BAIAP2L1: variants seen among roughly 807,000 people sequenced by gnomAD.
BAIAP2L1 encodes BAR/IMD domain-containing adapter protein 2-like 1.
A neutral mutation model predicts 66.3 loss-of-function variants in BAIAP2L1; 35 were observed. The observed-to-expected ratio is 0.53, with a 90% confidence interval of 0.40 to 0.70. The LOEUF (loss-of-function observed/expected upper bound fraction) is 0.70, where lower values mean the gene tolerates loss of function less well. Ranked by LOEUF, BAIAP2L1 falls within the 30% of genes least tolerant of loss-of-function variation. The pLI, the probability that BAIAP2L1 is intolerant of heterozygous loss-of-function variation, is 0.00. For missense variants in BAIAP2L1, 622 were observed against 656.9 expected, an observed-to-expected ratio of 0.95 and a Z score of 0.58; for synonymous variants, 269 against 248.7, an observed-to-expected ratio of 1.08 and a Z score of -0.77.
intron 11 of BAIAP2L1, among the ~76,000 whole-genome samples, chr7:98,305,229 C>A (rs1409297735): frequency 6.6e-6 from 1 of 150,772 alleles, no homozygotes; most frequent in Non-Finnish European, 1.5e-5. Context: ...GGAGAGGAAA[C>A]CTTTTAAATT....
intron 1 of BAIAP2L1, chr7:98,385,733 T>A (rs771106467): frequency 7.8e-7 from 1 of 1,278,118 alleles, no homozygotes. Context: ...CATTTCTTTT[T>A]TTTGTTGTTT....
chr7:98,336,658 T>C lies in BAIAP2L1; in HGVS notation c.215-16360A>G, dbSNP rs868080121. ...TAAATGCATAAATATATCATTCTCTTACATGCCCAGTCTTCCAGTTTTTGA... is the reference window on the plus strand; with the variant it reads ...TAAATGCATAAATATATCATTCTCTCACATGCCCAGTCTTCCAGTTTTTGA... On this transcript the variant is annotated intron_variant, in intron 3 of 13. Transcript: ENST00000005260. Among the ~76,000 whole-genome samples the C allele has an allele frequency of 5.3e-5, 8 of 152,184 alleles. 1 individual carries two copies. The highest frequency in any genetic ancestry group is 6.6e-5 in the Admixed American group (1 of 15,266).
At chr7:98,352,081 CTTT>C in intron 3 of BAIAP2L1, among the ~76,000 whole-genome samples, 1 of 148,088 alleles carries the variant, frequency 6.8e-6, no homozygotes, top group Admixed American at 6.7e-5. Context: ...TATCTTTGGT[CTTT>C]TTTTTTTTCT....
At chr7:98,350,596 T>C (rs1234741254) in intron 3 of BAIAP2L1, among the ~76,000 whole-genome samples, 1 of 151,862 alleles carries the variant, frequency 6.6e-6, no homozygotes, top group Non-Finnish European at 1.5e-5. Context: ...GACACAGAGG[T>C]TGCAGTGAGT....
chr7:98,301,012 C>T (rs1322311436), intron 12 of BAIAP2L1, among the ~76,000 whole-genome samples: 1 of 152,180 alleles, frequency 6.6e-6, no homozygotes. Context: ...TCCACCCCTG[C>T]GTGGGTCTCA....
intron 1 of BAIAP2L1, among the ~76,000 whole-genome samples, chr7:98,380,490 G>C (rs779355499): frequency 8.6e-5 from 13 of 151,882 alleles, no homozygotes; most frequent in Non-Finnish European, 1.9e-4. Flanking sequence ...GATCTTGTGA[G>C]ACTTATTCAC....
chr7:98,336,252 T>C (rs1307379259), intron 3 of BAIAP2L1, among the ~76,000 whole-genome samples: 1 of 152,096 alleles, frequency 6.6e-6, no homozygotes, highest in East Asian at 1.9e-4. Context: ...CATCACATGA[T>C]ATACCCAGGT....
intron 12 of BAIAP2L1, among the ~76,000 whole-genome samples, chr7:98,299,505 C>T (rs1054200935): frequency 6.6e-6 from 1 of 151,900 alleles, no homozygotes; most frequent in Admixed American, 6.6e-5. Context: ...TCTTGACCAC[C>T]ACGTTATGGA....
intron 1 of BAIAP2L1, among the ~76,000 whole-genome samples, chr7:98,381,820 AGAAG>A (rs1487931146): frequency 2.6e-5 from 4 of 152,176 alleles, no homozygotes; most frequent in Non-Finnish European, 5.9e-5. Context: ...GAGGTAAGAA[AGAAG>A]GATGTCCTAC....
Position 98,293,060 on chromosome 7 carries a change from T to C in BAIAP2L1, c.*461A>G, listed in dbSNP as rs893745645. The C allele has an allele frequency of 3.8e-6, 3 of 797,206 alleles. No individual in the cohort carries two copies. The highest frequency in any genetic ancestry group is 4.7e-6 in the Non-Finnish European group (3 of 638,172). The allele number at this position is 797,206 out of a possible 1,614,324, so 49.4% of individuals were successfully genotyped here. A position where few individuals can be genotyped will look rare whatever the true frequency, so the allele number is the denominator to read the frequency against. ...TCATAATTTATATTGCTTAAAATTA[T>C]GATTTGCATGCTAAGATGCAAACTT... On this transcript the variant is annotated 3_prime_UTR_variant, in exon 14 of 14. Coordinates refer to ENST00000005260, the MANE Select transcript of BAIAP2L1 (RefSeq NM_018842.5).
At position 98,379,318 on chromosome 7, in the gene BAIAP2L1, C is replaced by T. The variant is rs147454829; in HGVS notation, c.52-16886G>A. Among the ~76,000 whole-genome samples the T allele has an allele frequency of 5.4e-4, 83 of 152,318 alleles. No individual in the cohort carries two copies. In the East Asian group the frequency reaches 0.015, roughly 28 times the overall value. ...ATTTCATAAGAGATGCCTGCACCCA[C>T]GGACGAACCAGCTGCAGGCTGTACC... On this transcript the variant is annotated intron_variant, in intron 1 of 13. Coordinates refer to ENST00000005260, the MANE Select transcript of BAIAP2L1 (RefSeq NM_018842.5).
At position 98,326,022 on chromosome 7, in the gene BAIAP2L1, G is replaced by A. The variant is rs141091759; in HGVS notation, c.215-5724C>T. ...CAAGCAGCGGGGTGCAATGGCTCAC[G>A]TCCGTAATCACAGCTCCCAGTTTTG... is the stretch of plus-strand genomic sequence containing the variant. On this transcript the variant is annotated intron_variant, in intron 3 of 13. Transcript: ENST00000005260. 4.6e-4 allele frequency among the ~76,000 whole-genome samples: 70 copies of A among 152,360 alleles called. 2 individuals carry two copies. The East Asian group carries it at 0.011, about 24-fold the overall frequency.
At chr7:98,385,428 C>A (rs1041947804) in intron 1 of BAIAP2L1, among the ~76,000 whole-genome samples, 1 of 151,964 alleles carries the variant, frequency 6.6e-6, no homozygotes, top group African/African-American at 2.4e-5. Flanking sequence ...GAAATCATTT[C>A]TTTTTCTTTT....
intron 1 of BAIAP2L1, among the ~76,000 whole-genome samples, chr7:98,388,870 A>T (rs13237102): frequency 0.38 from 57,442 of 151,582 alleles, 12,371 homozygotes; most frequent in Middle Eastern, 0.55. Context: ...GCTACTTGGG[A>T]GGCTGAGGCA....
At chr7:98,312,850 G>A (rs972475476) in intron 7 of BAIAP2L1, among the ~76,000 whole-genome samples, 1 of 152,166 alleles carries the variant, frequency 6.6e-6, no homozygotes, top group Non-Finnish European at 1.5e-5. Flanking sequence ...GTGAGAACCC[G>A]CAACCCTGGA....
chr7:98,325,701 A>T (rs548880488), intron 3 of BAIAP2L1, among the ~76,000 whole-genome samples: 106 of 152,338 alleles, frequency 7.0e-4, no homozygotes, highest in Non-Finnish European at 1.4e-3. Flanking sequence ...ATACAAAAAA[A>T]AAATAAAAAT....
Position 98,292,505 on chromosome 7 carries a change from C to T in BAIAP2L1, c.*1016G>A, listed in dbSNP as rs1800009577. 1 of 871,740 alleles carries T rather than the reference C, an allele frequency of 1.1e-6. No homozygotes were observed. The highest frequency in any genetic ancestry group is 1.7e-5 in the African/African-American group (1 of 59,436). 54.0% of individuals were successfully genotyped at this position (871,740 alleles called of 1,614,324 possible). A position where few individuals can be genotyped will look rare whatever the true frequency, so the allele number is the denominator to read the frequency against. ...ATGACTCTCCACTCCAAAATAGGTCCAGATCCTTGGCAGCCAAAGATGATT... is the reference window on the plus strand; with the variant it reads ...ATGACTCTCCACTCCAAAATAGGTCTAGATCCTTGGCAGCCAAAGATGATT... On this transcript the variant is annotated 3_prime_UTR_variant, in exon 14 of 14. Transcript: ENST00000005260.
chr7:98,355,848 T>C (rs377332059), intron 2 of BAIAP2L1, among the ~76,000 whole-genome samples: 5 of 152,334 alleles, frequency 3.3e-5, no homozygotes, highest in East Asian at 1.9e-4. Context: ...TGAGGTGGAC[T>C]AGGAGCCTGG....
At chr7:98,297,817 C>T (rs1044879503) in intron 12 of BAIAP2L1, among the ~76,000 whole-genome samples, 12 of 152,206 alleles carry the variant, frequency 7.9e-5, no homozygotes, top group Non-Finnish European at 1.0e-4. Flanking sequence ...GCTCACGCCA[C>T]GTGAGGGCGC....
Sources: gnomAD v4.1 joint callset for allele counts (sites outside exome capture counted in the v4.1 genomes callset) on GRCh38, gnomAD v4.1.1 for gene constraint, MANE v1.5 for transcripts, NCBI Gene and HGNC (gene_info 2026-07-23, HGNC 2026-07-21) for gene names.